EFNA5: variants seen among roughly 807,000 people sequenced by gnomAD.
EFNA5 encodes ephrin-A5.
EFNA5 carries 5 observed loss-of-function variants against 22.9 expected under a neutral mutation model. The observed-to-expected ratio is 0.22, with a 90% CI of 0.11 to 0.46. The LOEUF is 0.46. EFNA5 is among the 20% of genes least tolerant of loss of function. The pLI is 0.99. For synonymous variants in EFNA5, 113 were observed against 112.2 expected, an observed-to-expected ratio of 1.01 and a Z score of -0.04; for missense variants, 237 against 293.3, an observed-to-expected ratio of 0.81 and a Z score of 1.40.
chr5:107,606,295 C>T (rs1025924967), intron 1 of EFNA5, among the ~76,000 whole-genome samples: 2 of 152,046 alleles, frequency 1.3e-5, no homozygotes, highest in African/African-American at 4.8e-5. Flanking sequence ...GATTTGCCTA[C>T]ACATAAGGCT....
At chr5:107,539,498 G>C (rs534832895) in intron 1 of EFNA5, among the ~76,000 whole-genome samples, 14 of 152,246 alleles carry the variant, frequency 9.2e-5, no homozygotes, top group Non-Finnish European at 1.3e-4. Context: ...TTGCTCTTTT[G>C]CCCAGGCTGA....
At chr5:107,444,375 A>G (rs1749339256) in intron 1 of EFNA5, among the ~76,000 whole-genome samples, 1 of 152,244 alleles carries the variant, frequency 6.6e-6, no homozygotes, top group African/African-American at 2.4e-5. Context: ...ATCCTCGCTG[A>G]CTTAACAATA....
chr5:107,388,345 A>G (rs1747693635), intron 2 of EFNA5: 1 of 152,484 alleles, frequency 6.6e-6, no homozygotes, highest in African/African-American at 2.4e-5. Context: ...TCTGCATTCT[A>G]TATGACTAAC....
chr5:107,447,147 C>A (rs1468350997), intron 1 of EFNA5, among the ~76,000 whole-genome samples: 1 of 152,074 alleles, frequency 6.6e-6, no homozygotes, highest in East Asian at 1.9e-4. Context: ...AGAAAGGGGC[C>A]TCAGGAAAGG....
intron 1 of EFNA5, among the ~76,000 whole-genome samples, chr5:107,540,345 G>A (rs954656399): frequency 3.0e-4 from 45 of 152,066 alleles, no homozygotes; most frequent in African/African-American, 1.0e-3. Context: ...AGTTTGCTAC[G>A]GCTGTAAAAG....
At chr5:107,636,881 C>G (rs1483299276) in intron 1 of EFNA5, among the ~76,000 whole-genome samples, 1 of 152,284 alleles carries the variant, frequency 6.6e-6, no homozygotes, top group African/African-American at 2.4e-5. Context: ...CCATTAGAAA[C>G]GAGCATGAAA....
intron 2 of EFNA5, among the ~76,000 whole-genome samples, chr5:107,394,852 G>A (rs1747879234): frequency 6.6e-6 from 1 of 152,064 alleles, no homozygotes; most frequent in Non-Finnish European, 1.5e-5. Flanking sequence ...TTTATCTGAA[G>A]TATGAGCAAA....
At chr5:107,422,982 A>C (rs1355925481) in intron 2 of EFNA5, among the ~76,000 whole-genome samples, 2 of 152,212 alleles carry the variant, frequency 1.3e-5, no homozygotes, top group Non-Finnish European at 2.9e-5. Flanking sequence ...GATTTATTGA[A>C]CATCTACTAA....
chr5:107,480,830 G>A (rs1750438639), intron 1 of EFNA5, among the ~76,000 whole-genome samples: 1 of 152,136 alleles, frequency 6.6e-6, no homozygotes, highest in Non-Finnish European at 1.5e-5. Context: ...ACGAGCAATG[G>A]GGACAAACAG....
intron 1 of EFNA5, among the ~76,000 whole-genome samples, chr5:107,557,761 C>T (rs1165797743): frequency 6.6e-6 from 1 of 152,080 alleles, no homozygotes; most frequent in Non-Finnish European, 1.5e-5. Context: ...CTTGTATATA[C>T]AAAGTTTTGT....
At chr5:107,551,813 A>G (rs1748304330) in intron 1 of EFNA5, among the ~76,000 whole-genome samples, 1 of 152,136 alleles carries the variant, frequency 6.6e-6, no homozygotes, top group African/African-American at 2.4e-5. Flanking sequence ...TCCCTACAAA[A>G]TTTTAATATA....
At chr5:107,430,260 G>A (rs1748913302) in intron 1 of EFNA5, among the ~76,000 whole-genome samples, 1 of 152,064 alleles carries the variant, frequency 6.6e-6, no homozygotes, top group South Asian at 2.1e-4. Flanking sequence ...AAGGGTGCTG[G>A]GATATGAAGC....
chr5:107,618,819 T>C (rs554310545), intron 1 of EFNA5, among the ~76,000 whole-genome samples: 2 of 152,324 alleles, frequency 1.3e-5, no homozygotes, highest in Admixed American at 1.3e-4. Context: ...ATGAGGTATC[T>C]TTTCATATTT....
At chr5:107,534,287 T>C (rs1747885130) in intron 1 of EFNA5, among the ~76,000 whole-genome samples, 1 of 152,196 alleles carries the variant, frequency 6.6e-6, no homozygotes, top group Admixed American at 6.5e-5. Flanking sequence ...ATCTTCCTTC[T>C]GTAAGGAACA....
chr5:107,398,075 C>A (rs1747976578), intron 2 of EFNA5, among the ~76,000 whole-genome samples: 1 of 152,094 alleles, frequency 6.6e-6, no homozygotes, highest in Non-Finnish European at 1.5e-5. Context: ...TCTCTGTGGC[C>A]CAGGCTGGAA....
chr5:107,489,022 A>AG (rs1319411157), intron 1 of EFNA5, among the ~76,000 whole-genome samples: 1 of 152,108 alleles, frequency 6.6e-6, no homozygotes, highest in Non-Finnish European at 1.5e-5. Context: ...TACTGTCCAA[A>AG]GCCTGTACCT....
At chr5:107,476,056 A>ATATATATTTTTTTTTTTTT (rs1454967869) in intron 1 of EFNA5, among the ~76,000 whole-genome samples, 1 of 115,404 alleles carries the variant, frequency 8.7e-6, no homozygotes, top group African/African-American at 3.5e-5. Context: ...CTATATATAT[A>ATATATATTTTTTTTTTTTT]TTTTTTTTTT....
intron 1 of EFNA5, among the ~76,000 whole-genome samples, chr5:107,524,228 T>G (rs1054488252): frequency 2.6e-5 from 4 of 152,214 alleles, no homozygotes; most frequent in Non-Finnish European, 5.9e-5. Context: ...CCTATGTTCC[T>G]GGCAGGCCAG....
chr5:107,507,097 T>C (rs1046683714), intron 1 of EFNA5, among the ~76,000 whole-genome samples: 2 of 152,160 alleles, frequency 1.3e-5, no homozygotes, highest in Non-Finnish European at 2.9e-5. Context: ...ATTATTCTTA[T>C]ATAATATGAT....
Sources: gnomAD v4.1 joint callset for allele counts (sites outside exome capture counted in the v4.1 genomes callset) on GRCh38, gnomAD v4.1.1 for gene constraint, MANE v1.5 for transcripts, NCBI Gene and HGNC (gene_info 2026-07-23, HGNC 2026-07-21) for gene names.